The following TAP1 variants were observed in gnomAD, a reference collection of about 807,000 sequenced individuals.
TAP1 encodes antigen peptide transporter 1.
TAP1 carries 56 observed loss-of-function variants against 79.3 expected under a neutral mutation model. The ratio of observed to expected loss-of-function variants is 0.71; its 90% confidence interval spans 0.57 to 0.88. The LOEUF is 0.88. TAP1 is among the 40% of genes least tolerant of loss of function. The pLI, the probability that TAP1 is intolerant of heterozygous loss-of-function variation, is 0.00. For missense variants in TAP1, 737 were observed against 936.3 expected (o/e 0.79, Z 2.78); for synonymous variants, 355 against 401.4 (o/e 0.88, Z 1.38).
intron 5 of TAP1, 150 bp from the exon 6 acceptor site, chr6:32,849,268 G>A (rs891067030): frequency 2.2e-6 from 2 of 899,478 alleles, no homozygotes; most frequent in African/African-American, 3.3e-5. Context: ...ATGAACCAGA[G>A]ACCCCATGGA....
At position 32,853,579 on chromosome 6, in the gene TAP1, G is replaced by C. The variant is rs773916016; in HGVS notation, c.58C>G (p.Leu20Val). The C allele has an allele frequency of 2.5e-6, 4 of 1,612,674 alleles. No homozygotes were observed. Among genetic ancestry groups the C allele is most frequent in the South Asian group, 1.1e-5 (1 of 91,064 alleles). Residue 20 changes from leucine (L) to valine (V), a missense_variant, in exon 1 of 11, where the codon CTC becomes GTC. Physicochemically the swap from Leu to Val is conservative, Grantham distance 32. Transcript: ENST00000354258. This position sits in a 1 kb window ranked among gnomAD's most constrained non-coding sequence, Gnocchi z 8.3. The stretch of plus-strand genomic sequence containing the variant: ...AGCAGTACTGTCCCCAGCCATGCGA[G>C]AGAAGCTCCGGGGAGGCAGCGGCAC... ...RGCRCLPGASLAWLGTVLLLL... is the reference protein window; with the variant it reads ...RGCRCLPGASVAWLGTVLLLL...
chr6:32,847,956 G>C lies in TAP1; in HGVS notation c.1703C>G (p.Pro568Arg). ...TGGQLLLDGK[P>R]LPQYEHRYLH... ...GTAGCGGTGCTCATATTGGGGAAGG[G>C]GCTTCCCATCCAACAGCAGCTGTCC... Residue 568 changes from proline (P) to arginine (R), a missense_variant, in exon 8 of 11, where the codon CCC becomes CGC. Coordinates refer to ENST00000354258, the MANE Select transcript of TAP1 (RefSeq NM_000593.6). The surrounding 1 kb of genome is among the most constrained non-coding windows in gnomAD (Gnocchi z 4.7). 6.2e-7 allele frequency: 1 copy of C among 1,613,062 alleles called. No homozygotes were observed. The highest frequency in any genetic ancestry group is 8.5e-7 in the Non-Finnish European group (1 of 1,180,032).
rs1371805791 is a variant in TAP1 at position 32,853,642 on chromosome 6, C to G, written c.-6G>C. 3 of 1,609,234 alleles carry G rather than the reference C, an allele frequency of 1.9e-6. No homozygotes were observed. Among genetic ancestry groups the G allele is most frequent in the Middle Eastern group, 1.7e-4 (1 of 6,052 alleles). On this transcript the variant is annotated 5_prime_UTR_variant, in exon 1 of 11. Transcript: ENST00000354258. The surrounding 1 kb of genome is among the most constrained non-coding windows in gnomAD (Gnocchi z 8.3). ...GGACACCTAGAGCTAGCCATTGGCA[C>G]TCGGACGCCGTCCCGGTCCCGGCCG...
In TAP1 at chr6:32,853,024, C is replaced by T. The variant is rs761047369; in HGVS notation, c.598+15G>A. Reference sequence around the variant, plus strand: ...TCCCCTTGTGTCCTCCCCTCTTGCCCTGCGTTCCCCTTACCAAGAGAGGAG... The same window carrying T: ...TCCCCTTGTGTCCTCCCCTCTTGCCTTGCGTTCCCCTTACCAAGAGAGGAG... On this transcript the variant is annotated intron_variant, in intron 1 of 10. Transcript: ENST00000354258. This position sits in a 1 kb window ranked among gnomAD's most constrained non-coding sequence, Gnocchi z 8.3. 3 of 1,609,518 alleles carry T rather than the reference C, an allele frequency of 1.9e-6. No homozygotes were observed. The highest frequency in any genetic ancestry group is 1.7e-6 in the Non-Finnish European group (2 of 1,179,690).
rs1770697427 is a variant in TAP1, at chr6:32,850,175, G to A, written c.1248+145C>T. 10 of 814,748 alleles carry A rather than the reference G, an allele frequency of 1.2e-5. No homozygotes were observed. Among genetic ancestry groups the A allele is most frequent in the Non-Finnish European group, 1.9e-5 (9 of 481,498 alleles). The allele number at this position is 814,748 out of a possible 1,614,324, so 50.5% of individuals were successfully genotyped here. Reference sequence around the variant, plus strand: ...GAGGGGGCTAGGGACACTGAGTAGAGTCATTGAGCCTCAGGTTGCTAGGAC... The same window carrying A: ...GAGGGGGCTAGGGACACTGAGTAGAATCATTGAGCCTCAGGTTGCTAGGAC... On this transcript the variant is annotated intron_variant, in intron 5 of 10. Coordinates refer to ENST00000354258, the MANE Select transcript of TAP1 (RefSeq NM_000593.6). This position sits in a 1 kb window ranked among gnomAD's most constrained non-coding sequence, Gnocchi z 5.5.
rs1554246364 is a variant in TAP1, at chr6:32,851,924, T to TGTGAGAGAGAGA, written c.844+184_844+185insTCTCTCTCTCAC. ...AAAAACAATTGTGTGTGTGTGTGTG[T>TGTGAGAGAGAGA]GAGAGAGAGAGAGAGAGAGACAGAG... On this transcript the variant is annotated intron_variant, in intron 3 of 10. Transcript: ENST00000354258. This position sits in a 1 kb window ranked among gnomAD's most constrained non-coding sequence, Gnocchi z 4.8. Among the ~76,000 whole-genome samples, 3,526 of 147,346 alleles carry TGTGAGAGAGAGA rather than the reference T, an allele frequency of 0.024. 62 individuals are homozygous for TGTGAGAGAGAGA. Among genetic ancestry groups the TGTGAGAGAGAGA allele is most frequent in the South Asian group, 0.072 (327 of 4,546 alleles).
Position 32,845,804 on chromosome 6 carries a change from C to T in TAP1, c.2041-19G>A. ...GCTCCACCTGAGGAAAGACATCGGA[C>T]CGTCAGAGCCGGGGACTACCCTCAG... On this transcript the variant is annotated intron_variant, in intron 10 of 10. Coordinates refer to ENST00000354258, the MANE Select transcript of TAP1 (RefSeq NM_000593.6). The surrounding 1 kb of genome is among the most constrained non-coding windows in gnomAD (Gnocchi z 4.5). 1.2e-6 allele frequency: 2 copies of T among 1,604,662 alleles called. No individual in the cohort carries two copies. Among genetic ancestry groups the T allele is most frequent in the Non-Finnish European group, 1.7e-6 (2 of 1,177,698 alleles).
At chr6:32,848,445 C>T (rs370141615) in intron 7 of TAP1, among the ~76,000 whole-genome samples, 4 of 152,246 alleles carry the variant, frequency 2.6e-5, no homozygotes, top group African/African-American at 7.2e-5. Context: ...GCACTCTCTT[C>T]GAAACCTCTT....
rs56337036 is a variant in TAP1 at position 32,845,750 on chromosome 6, G to A, written c.2076C>T (p.Tyr692=). 2,749 of 1,612,722 alleles carry A rather than the reference G, an allele frequency of 1.7e-3. 4 individuals are homozygous for A. Among genetic ancestry groups the A allele is most frequent in the Non-Finnish European group, 2.1e-3 (2,526 of 1,179,968 alleles). ...GGGTGATGAGAAGCACTGAGCGGGA[G>A]TACCGCTCAGGGCTTTCGTACAGGA... is the stretch of plus-strand genomic sequence containing the variant. ...EQLLYESPER[Y]SRSVLLITQH... is the part of the protein sequence containing the mutation. Residue 692 remains tyrosine, a synonymous_variant, in exon 11 of 11, where the codon TAC becomes TAT. Transcript: ENST00000354258. The surrounding 1 kb of genome is among the most constrained non-coding windows in gnomAD (Gnocchi z 4.5).
chr6:32,848,941 G>A (rs547286649), intron 6 of TAP1, 49 bp downstream of exon 6: 2 of 1,612,618 alleles, frequency 1.2e-6, no homozygotes, highest in South Asian at 2.2e-5. Flanking sequence ...AGATGGTGCT[G>A]GGCCAGAGGA....
At position 32,853,689 on chromosome 6, in the gene TAP1, C is replaced by T; in HGVS notation, c.-53G>A. The T allele has an allele frequency of 1.9e-6, 3 of 1,575,258 alleles. No individual in the cohort carries two copies. Among genetic ancestry groups the T allele is most frequent in the Non-Finnish European group, 2.6e-6 (3 of 1,163,432 alleles). On this transcript the variant is annotated 5_prime_UTR_variant, in exon 1 of 11. Coordinates refer to ENST00000354258, the MANE Select transcript of TAP1 (RefSeq NM_000593.6). The surrounding 1 kb of genome is among the most constrained non-coding windows in gnomAD (Gnocchi z 8.3). ...GCCGGGCCTGGGACTCTCCGCGCCC[C>T]GGTGGGGCCTGAAGCTCCGGGTACC...
chr6:32,849,232 G>A (rs899673172), intron 5 of TAP1, 114 bp from the exon 6 acceptor site: 17 of 1,347,988 alleles, frequency 1.3e-5, no homozygotes, highest in African/African-American at 2.9e-5. Flanking sequence ...AAGTGACATC[G>A]GCAGGCTCAA....
rs2127387053 is a variant in TAP1, at chr6:32,847,564, T to C, written c.1852A>G (p.Lys618Glu). The change falls in exon 9 of 11, where the codon AAG (lysine) becomes GAG (glutamate). Residue 618 changes from lysine (K) to glutamate (E), a missense_variant. Physicochemically the swap from Lys to Glu is moderately conservative, Grantham distance 56 (BLOSUM62 1). This residue lies in a region of TAP1 where 266 missense variants were observed against 332.4 expected (regional missense o/e 0.80). Transcript: ENST00000354258. This position sits in a 1 kb window ranked among gnomAD's most constrained non-coding sequence, Gnocchi z 4.7. ...GAGATGAAACTATGGGCCCCAGACT[T>C]TACTGCAGCAGCTGTGATTTCCTCC... ...TMEEITAAAV[K>E]SGAHSFISGL... 3 of 1,613,990 alleles carry C rather than the reference T, an allele frequency of 1.9e-6. No individual in the cohort carries two copies. The highest frequency in any genetic ancestry group is 2.5e-6 in the Non-Finnish European group (3 of 1,180,018).
Position 32,850,432 on chromosome 6 carries a change from C to G in TAP1, c.1136G>C (p.Ser379Thr), listed in dbSNP as rs1450493811. 1 of 1,614,258 alleles carries G rather than the reference C, an allele frequency of 6.2e-7. No individual in the cohort carries two copies. Among genetic ancestry groups the G allele is most frequent in the Non-Finnish European group, 8.5e-7 (1 of 1,180,044 alleles). The change falls in exon 5 of 11, where the codon AGC becomes ACC. Residue 379 changes from serine to threonine, a missense_variant. By Grantham distance (58) the Ser-to-Thr change is moderately conservative (BLOSUM62 1). This residue lies in a region of TAP1 where 406 missense variants were observed against 477.2 expected (regional missense o/e 0.85). Transcript: ENST00000354258. The surrounding 1 kb of genome is among the most constrained non-coding windows in gnomAD (Gnocchi z 5.5). ...EALSAMPTVR[S>T]FANEEGEAQK... ...GGCTTCGCCCTCCTCGTTGGCAAAG[C>G]TTCGAACTGTAGGCATGGCCGACAG... is the stretch of plus-strand genomic sequence containing the variant.
intron 10 of TAP1, chr6:32,846,005 C>G: frequency 1.7e-6 from 1 of 600,882 alleles, no homozygotes; most frequent in East Asian, 2.8e-5. Context: ...AAAATGAGAA[C>G]CCTAGGGTGA....
Position 32,850,586 on chromosome 6 carries a change from C to T in TAP1, c.1051-69G>A. Reference sequence around the variant, plus strand: ...ATCAGGGACACTAATACCTGAGTTACCTATTTGGAAATTAAAGGTGAGAAG... The same window carrying T: ...ATCAGGGACACTAATACCTGAGTTATCTATTTGGAAATTAAAGGTGAGAAG... On this transcript the variant is annotated intron_variant, in intron 4 of 10. Coordinates refer to ENST00000354258, the MANE Select transcript of TAP1 (RefSeq NM_000593.6). This position sits in a 1 kb window ranked among gnomAD's most constrained non-coding sequence, Gnocchi z 5.5. 1.4e-6 allele frequency: 2 copies of T among 1,382,506 alleles called. No individual in the cohort carries two copies. Among genetic ancestry groups the T allele is most frequent in the East Asian group, 4.6e-5 (2 of 43,652 alleles). The allele number at this position is 1,382,506 out of a possible 1,614,324, so 85.6% of individuals were successfully genotyped here.
In TAP1 at chr6:32,847,661, T is replaced by G; in HGVS notation, c.1755A>C (p.Gly585=). ...TTCTTCCAAATACCTGTGGCTCTTG[T>G]CCCACTGCAGCCACCTGAGATGAAA... The part of the protein sequence containing the change: ...RYLHRQVAAV[G]QEPQVFGRSL... Residue 585 remains glycine (G), a synonymous_variant, in exon 9 of 11, where the codon GGA becomes GGC. Coordinates refer to ENST00000354258, the MANE Select transcript of TAP1 (RefSeq NM_000593.6). The surrounding 1 kb of genome is among the most constrained non-coding windows in gnomAD (Gnocchi z 4.7). 1 of 1,613,838 alleles carries G rather than the reference T, an allele frequency of 6.2e-7. No homozygotes were observed. The highest frequency in any genetic ancestry group is 8.5e-7 in the Non-Finnish European group (1 of 1,180,018).
In TAP1 at chr6:32,847,359, CTGAGGATGTCAGGA is replaced by C; in HGVS notation, c.1903+140_1903+153del. ...AGATTCTGGGAAGATGAACAGAATC[CTGAGGATGTCAGGA>C]TGAAGAAGCCATAGGAGCATGATCT... On this transcript the variant is annotated intron_variant, in intron 9 of 10. Transcript: ENST00000354258. This position sits in a 1 kb window ranked among gnomAD's most constrained non-coding sequence, Gnocchi z 4.7. 6.7e-7 allele frequency: 1 copy of C among 1,490,474 alleles called. No homozygotes were observed. The highest frequency in any genetic ancestry group is 2.3e-5 in the East Asian group (1 of 43,492). 92.3% of individuals were successfully genotyped at this position (1,490,474 alleles called of 1,614,324 possible). A position where few individuals can be genotyped will look rare whatever the true frequency, so the allele number is the denominator to read the frequency against.
Position 32,851,037 on chromosome 6 carries a change from G to A in TAP1, c.957C>T (p.Ile319=). Reference sequence around the variant, plus strand: ...TGAGGGACACTGATCCCCAGAGCATGATCCCCAAGAGACATAGGCCTCGCA... The same window carrying A: ...TGAGGGACACTGATCCCCAGAGCATAATCCCCAAGAGACATAGGCCTCGCA... The part of the protein sequence containing the change: ...YLVRGLCLLG[I]MLWGSVSLTM... Residue 319 remains isoleucine (I), a synonymous_variant, in exon 4 of 11, where the codon ATC becomes ATT. Coordinates refer to ENST00000354258, the MANE Select transcript of TAP1 (RefSeq NM_000593.6). This position sits in a 1 kb window ranked among gnomAD's most constrained non-coding sequence, Gnocchi z 4.8. 3.1e-6 allele frequency: 5 copies of A among 1,613,028 alleles called. No homozygotes were observed. Among genetic ancestry groups the A allele is most frequent in the Non-Finnish European group, 4.2e-6 (5 of 1,179,998 alleles).
Sources: gnomAD v4.1 joint callset for allele counts (sites outside exome capture counted in the v4.1 genomes callset) on GRCh38, gnomAD v4.1.1 for gene constraint, gnomAD v4.1.1 regional missense constraint, Gnocchi (gnomAD v3.1) non-coding constraint, MANE v1.5 for transcripts, NCBI Gene and HGNC (gene_info 2026-07-23, HGNC 2026-07-21) for gene names.